Variants in SRGAP3 observed in about 807,000 individuals in gnomAD.
SRGAP3 encodes SLIT-ROBO Rho GTPase-activating protein 3.
A neutral mutation model predicts 121.1 loss-of-function variants in SRGAP3; 39 were observed. The observed-to-expected ratio is 0.32, with a 90% CI of 0.25 to 0.42. The LOEUF (loss-of-function observed/expected upper bound fraction) is 0.42, where lower values mean the gene tolerates loss of function less well. SRGAP3 is among the 10% of genes least tolerant of loss of function. The probability of loss-of-function intolerance (pLI) is 1.00; values close to 1 mark genes in which losing one functional copy is unlikely to be tolerated. For missense variants in SRGAP3, 1,213 were observed against 1,470.6 expected (o/e 0.82, Z 2.86); for synonymous variants, 601 against 570.0 (o/e 1.05, Z -0.77).
chr3:9,338,982 C>T (rs960569565), intron 1 of SRGAP3, among the ~76,000 whole-genome samples: 5 of 152,176 alleles, frequency 3.3e-5, no homozygotes, highest in African/African-American at 7.2e-5. Flanking sequence ...CTAGTACTTA[C>T]GAAAATATGT....
intron 3 of SRGAP3, among the ~76,000 whole-genome samples, chr3:9,100,266 C>T (rs1948166297): frequency 6.6e-6 from 1 of 152,194 alleles, no homozygotes. Flanking sequence ...TTTCTCCAGA[C>T]CCTGAACTCC....
chr3:8,996,137 G>A (rs533785031), intron 18 of SRGAP3, among the ~76,000 whole-genome samples: 14 of 152,340 alleles, frequency 9.2e-5, no homozygotes, highest in African/African-American at 3.4e-4. Context: ...GTAATAAATA[G>A]AACCTATCTT....
chr3:9,223,259 A>T (rs998009265), intron 1 of SRGAP3, among the ~76,000 whole-genome samples: 23 of 152,244 alleles, frequency 1.5e-4, no homozygotes, highest in African/African-American at 5.3e-4. Flanking sequence ...AACAAAGACC[A>T]TATGGCCCAC....
chr3:9,026,892 G>A, intron 13 of SRGAP3, 43 bp downstream of exon 13: 2 of 1,597,952 alleles, frequency 1.3e-6, no homozygotes, highest in Non-Finnish European at 1.7e-6. Context: ...CCTAGCACCT[G>A]TTCTGCAGAT....
At chr3:9,168,090 G>A (rs541262687) in intron 1 of SRGAP3, among the ~76,000 whole-genome samples, 19 of 152,200 alleles carry the variant, frequency 1.2e-4, no homozygotes, top group Non-Finnish European at 2.5e-4. Context: ...GAAACCCGGA[G>A]AGGTTAAGAG....
chr3:9,010,219 A>G (rs559409545), intron 18 of SRGAP3, 89 bp downstream of exon 18: 2 of 1,461,500 alleles, frequency 1.4e-6, no homozygotes, highest in East Asian at 2.3e-5. Context: ...GAAGAGGTCT[A>G]TGTGGGCCAG....
At chr3:9,299,627 C>T (rs1955014544) in intron 3 of SRGAP3, among the ~76,000 whole-genome samples, 1 of 151,908 alleles carries the variant, frequency 6.6e-6, no homozygotes, top group Non-Finnish European at 1.5e-5. Context: ...ATCCTTGGCT[C>T]GGCCAGGTGA....
At chr3:9,315,118 C>G (rs1187065351) in intron 3 of SRGAP3, among the ~76,000 whole-genome samples, 1 of 152,190 alleles carries the variant, frequency 6.6e-6, no homozygotes, top group Non-Finnish European at 1.5e-5. Flanking sequence ...ATCATCGGGA[C>G]TATGTTTCCA....
chr3:9,356,150 A>ATC (rs2030486515), intron 1 of SRGAP3, among the ~76,000 whole-genome samples: 1 of 149,984 alleles, frequency 6.7e-6, no homozygotes, highest in African/African-American at 2.5e-5. Context: ...GGATAGAGAG[A>ATC]TATTTCCTGA....
chr3:9,114,710 G>A (rs73019303), intron 2 of SRGAP3, among the ~76,000 whole-genome samples: 10,284 of 152,268 alleles, frequency 0.068, 408 homozygotes, highest in African/African-American at 0.081. Flanking sequence ...CTCTTTCCTT[G>A]CAAGCCCCTT....
chr3:9,324,438 AAAG>A (rs1423252861), intron 3 of SRGAP3, among the ~76,000 whole-genome samples: 2 of 151,896 alleles, frequency 1.3e-5, no homozygotes. Context: ...TTTTCCAAGG[AAAG>A]AATAAAGACT....
chr3:9,284,485 G>A (rs530866289), intron 3 of SRGAP3, among the ~76,000 whole-genome samples: 20 of 152,256 alleles, frequency 1.3e-4, no homozygotes, highest in African/African-American at 4.6e-4. Context: ...TGCACCATTC[G>A]TGCGAAAGTC....
intron 1 of SRGAP3, among the ~76,000 whole-genome samples, chr3:9,146,354 G>A (rs1156686406): frequency 6.6e-6 from 1 of 152,178 alleles, no homozygotes; most frequent in East Asian, 1.9e-4. Context: ...ACCTGTAGTT[G>A]GTGATAAGAG....
intron 1 of SRGAP3, among the ~76,000 whole-genome samples, chr3:9,237,831 G>T (rs984395590): frequency 2.0e-5 from 3 of 152,182 alleles, no homozygotes; most frequent in African/African-American, 4.8e-5. Flanking sequence ...CTACTGAAGG[G>T]TTTTAAACAG....
At chr3:9,056,087 G>T in intron 8 of SRGAP3, 146 bp downstream of exon 8, 1 of 711,866 alleles carries the variant, frequency 1.4e-6, no homozygotes. Context: ...AATGATTCTT[G>T]GTGTGTGTGG....
intron 4 of SRGAP3, among the ~76,000 whole-genome samples, chr3:9,073,485 T>C (rs530352563): frequency 4.6e-5 from 7 of 152,288 alleles, no homozygotes; most frequent in African/African-American, 1.2e-4. Flanking sequence ...GTTTAATGTA[T>C]TTATATCACT....
intron 9 of SRGAP3, among the ~76,000 whole-genome samples, chr3:9,050,205 T>G (rs1945501794): frequency 6.6e-6 from 1 of 152,218 alleles, no homozygotes; most frequent in African/African-American, 2.4e-5. Context: ...GTAACTACTG[T>G]CCTAGAGGCT....
intron 3 of SRGAP3, chr3:9,256,621 T>A (rs1177665216): frequency 7.6e-6 from 3 of 393,130 alleles, no homozygotes; most frequent in Admixed American, 4.4e-5. Context: ...GTTCCCTTGA[T>A]GAGACCTTAG....
At chr3:9,020,668 T>C (rs969499256) in intron 14 of SRGAP3, among the ~76,000 whole-genome samples, 3 of 152,176 alleles carry the variant, frequency 2.0e-5, no homozygotes, top group African/African-American at 4.8e-5. Flanking sequence ...AGTCCATAAA[T>C]TGAACTGCCC....
Sources: gnomAD v4.1 joint callset for allele counts (sites outside exome capture counted in the v4.1 genomes callset) on GRCh38, gnomAD v4.1.1 for gene constraint, MANE v1.5 for transcripts, NCBI Gene and HGNC (gene_info 2026-07-23, HGNC 2026-07-21) for gene names.